KHDRBS3: variants seen among roughly 807,000 people sequenced by gnomAD.
The protein encoded by KHDRBS3 is KH RNA binding domain containing, signal transduction associated 3.
Under a neutral mutation model 45.6 loss-of-function variants are expected in KHDRBS3, and 23 were observed. The observed-to-expected ratio is 0.50, with a 90% CI of 0.36 to 0.72. KHDRBS3 has a LOEUF of 0.72. Among genes scored for constraint, KHDRBS3 ranks in the 30% least tolerant of loss-of-function variants. KHDRBS3 has a pLI of 0.00. For synonymous variants in KHDRBS3, 162 were observed against 156.5 expected, an observed-to-expected ratio of 1.04 and a Z score of -0.26; for missense variants, 352 against 424.8, an observed-to-expected ratio of 0.83 and a Z score of 1.51.
intron 7 of KHDRBS3, among the ~76,000 whole-genome samples, chr8:135,611,480 GT>G (rs1285934311): frequency 1.3e-5 from 2 of 151,808 alleles, no homozygotes; most frequent in Non-Finnish European, 2.9e-5. Flanking sequence ...TGAAGAAATG[GT>G]TCTATGCACC....
chr8:135,596,260 A>C (rs1410575964), intron 6 of KHDRBS3, among the ~76,000 whole-genome samples: 1 of 152,234 alleles, frequency 6.6e-6, no homozygotes, highest in Non-Finnish European at 1.5e-5. Flanking sequence ...GAAAGACTGC[A>C]ATGAGCTTCT....
intron 3 of KHDRBS3, among the ~76,000 whole-genome samples, chr8:135,544,550 G>C (rs1440645916): frequency 6.6e-6 from 1 of 152,126 alleles, no homozygotes; most frequent in South Asian, 2.1e-4. Flanking sequence ...GTGTTATGAA[G>C]TAATGCATGA....
intron 1 of KHDRBS3, among the ~76,000 whole-genome samples, chr8:135,518,945 A>G (rs1413363257): frequency 2.4e-4 from 37 of 152,242 alleles, no homozygotes. Context: ...TTATTTTTAT[A>G]GAAAAAATCA....
chr8:135,564,458 A>G, intron 5 of KHDRBS3, among the ~76,000 whole-genome samples: 1 of 152,218 alleles, frequency 6.6e-6, no homozygotes, highest in East Asian at 1.9e-4. Context: ...TTGTTGAGAA[A>G]TAAATATGTA....
intron 1 of KHDRBS3, among the ~76,000 whole-genome samples, chr8:135,489,982 T>G (rs1823060148): frequency 6.6e-6 from 1 of 152,142 alleles, no homozygotes; most frequent in African/African-American, 2.4e-5. Context: ...TTACTGTTCC[T>G]TTTCCTTTTT....
At chr8:135,463,426 G>A (rs1821532183) in intron 1 of KHDRBS3, among the ~76,000 whole-genome samples, 1 of 152,158 alleles carries the variant, frequency 6.6e-6, no homozygotes, top group Admixed American at 6.5e-5. Context: ...ATGCAGGGTT[G>A]AACAAGCAGA....
chr8:135,475,282 T>G (rs1563704681), intron 1 of KHDRBS3, among the ~76,000 whole-genome samples: 3 of 152,172 alleles, frequency 2.0e-5, no homozygotes, highest in Non-Finnish European at 2.9e-5. Flanking sequence ...CAAAAAACTG[T>G]TTATCAAGTA....
intron 7 of KHDRBS3, among the ~76,000 whole-genome samples, chr8:135,637,767 GA>G (rs1830879925): frequency 6.6e-6 from 1 of 152,152 alleles, no homozygotes; most frequent in Non-Finnish European, 1.5e-5. Context: ...GAACAAATAT[GA>G]ATGAGGTGTC....
At chr8:135,508,505 G>A (rs1824118868) in intron 1 of KHDRBS3, among the ~76,000 whole-genome samples, 1 of 152,094 alleles carries the variant, frequency 6.6e-6, no homozygotes, top group African/African-American at 2.4e-5. Context: ...GTGACCTCTG[G>A]AGCCTGATAA....
intron 2 of KHDRBS3, among the ~76,000 whole-genome samples, chr8:135,525,154 G>A (rs1296422055): frequency 2.6e-5 from 4 of 152,218 alleles, no homozygotes; most frequent in East Asian, 3.9e-4. Flanking sequence ...TTACTTTCGC[G>A]GAAGAATTTT....
At chr8:135,605,365 C>T (rs1182712119) in intron 6 of KHDRBS3, among the ~76,000 whole-genome samples, 1 of 152,076 alleles carries the variant, frequency 6.6e-6, no homozygotes, top group African/African-American at 2.4e-5. Flanking sequence ...TCCACTCATC[C>T]ATCTTCAAGT....
intron 5 of KHDRBS3, among the ~76,000 whole-genome samples, chr8:135,560,594 G>T (rs1827122244): frequency 1.3e-5 from 2 of 152,130 alleles, no homozygotes. Context: ...TGTTGAAAAT[G>T]TTATGAACAG....
At chr8:135,529,163 A>G (rs1825341199) in intron 2 of KHDRBS3, among the ~76,000 whole-genome samples, 1 of 152,220 alleles carries the variant, frequency 6.6e-6, no homozygotes, top group South Asian at 2.1e-4. Flanking sequence ...CCATTGTTTT[A>G]TGATGGACGG....
intron 7 of KHDRBS3, among the ~76,000 whole-genome samples, chr8:135,633,146 T>G (rs1830675013): frequency 1.3e-5 from 2 of 152,178 alleles, no homozygotes; most frequent in African/African-American, 4.8e-5. Flanking sequence ...TCCATGAAAG[T>G]AGTGAATTTG....
intron 5 of KHDRBS3, among the ~76,000 whole-genome samples, chr8:135,575,131 A>G (rs1563778894): frequency 6.6e-6 from 1 of 152,242 alleles, no homozygotes; most frequent in Non-Finnish European, 1.5e-5. Context: ...CCTAATTTAC[A>G]ATAGTCATTA....
At chr8:135,580,747 G>A (rs925656778) in intron 5 of KHDRBS3, among the ~76,000 whole-genome samples, 6 of 151,802 alleles carry the variant, frequency 4.0e-5, no homozygotes, top group African/African-American at 1.2e-4. Context: ...CAAGTAGCTG[G>A]GACTATAGGC....
chr8:135,525,280 T>A (rs962912535), intron 2 of KHDRBS3, among the ~76,000 whole-genome samples: 1 of 152,210 alleles, frequency 6.6e-6, no homozygotes, highest in Admixed American at 6.5e-5. Context: ...TTTTTGTGTC[T>A]AATTTTTGTC....
chr8:135,458,275 A>G (rs1821222186), intron 1 of KHDRBS3: 2 of 919,452 alleles, frequency 2.2e-6, no homozygotes, highest in Middle Eastern at 2.6e-4. Flanking sequence ...TTCGTTGGGA[A>G]CGAGGTTGAA....
intron 5 of KHDRBS3, among the ~76,000 whole-genome samples, chr8:135,578,091 T>C (rs189337538): frequency 1.3e-5 from 2 of 152,306 alleles, no homozygotes; most frequent in Admixed American, 1.3e-4. Flanking sequence ...ATTTGCTTTC[T>C]TATTGTTGAG....
Sources: gnomAD v4.1 joint callset for allele counts (sites outside exome capture counted in the v4.1 genomes callset) on GRCh38, gnomAD v4.1.1 for gene constraint, MANE v1.5 for transcripts, NCBI Gene and HGNC (gene_info 2026-07-23, HGNC 2026-07-21) for gene names.